The following CRISP1 variants were observed in gnomAD, a reference collection of about 807,000 sequenced individuals.
The protein encoded by CRISP1 is cysteine-rich secretory protein 1.
Under a neutral mutation model 33.1 loss-of-function variants are expected in CRISP1, and 44 were observed. The ratio of observed to expected loss-of-function variants is 1.33; its 90% confidence interval spans 1.05 to 1.71. The LOEUF is 1.71. CRISP1 is among the 40% of genes most tolerant of loss of function. The probability of loss-of-function intolerance (pLI) is 0.00; values close to 1 mark genes in which losing one functional copy is unlikely to be tolerated. For synonymous variants in CRISP1, 103 were observed against 98.7 expected (o/e 1.04, Z -0.26); for missense variants, 390 against 301.2 (o/e 1.29, Z -2.18).
intron 1 of CRISP1, among the ~76,000 whole-genome samples, chr6:49,874,805 C>G (rs1419710764): frequency 6.6e-6 from 1 of 151,990 alleles, no homozygotes; most frequent in Non-Finnish European, 1.5e-5. Context: ...AGACAAAAAT[C>G]ACATGACTAT....
At chr6:49,874,037 C>T (rs1771980782) in intron 1 of CRISP1, among the ~76,000 whole-genome samples, 1 of 152,004 alleles carries the variant, frequency 6.6e-6, no homozygotes, top group African/African-American at 2.4e-5. Context: ...GATATATGCT[C>T]TCCCAGTATT....
intron 3 of CRISP1, among the ~76,000 whole-genome samples, chr6:49,850,504 T>A (rs1360109485): frequency 1.3e-5 from 2 of 152,126 alleles, no homozygotes; most frequent in South Asian, 2.1e-4. Context: ...CTTTTTTTTT[T>A]AAAGAAAATC....
chr6:49,838,446 T>G lies in CRISP1; in HGVS notation c.613A>C (p.Lys205Gln). Residue 205 changes from lysine to glutamine, a missense_variant, in exon 7 of 8, where the codon AAA becomes CAA. Physicochemically the swap from Lys to Gln is moderately conservative, Grantham distance 53. Transcript: ENST00000335847. Reference sequence around the variant, plus strand: ...ATGCAAACAAACTTACTGCAAAGTTTGTCTTCACAGTTACTTGGGCAGGCT... The same window carrying G: ...ATGCAAACAAACTTACTGCAAAGTTGGTCTTCACAGTTACTTGGGCAGGCT... ...CEACPSNCEDKLCTNPCIYYD... is the reference protein window; with the variant it reads ...CEACPSNCEDQLCTNPCIYYD... 1 of 1,611,504 alleles carries G rather than the reference T, an allele frequency of 6.2e-7. No individual in the cohort carries two copies. The highest frequency in any genetic ancestry group is 8.5e-7 in the Non-Finnish European group (1 of 1,178,546).
chr6:49,868,953 T>A (rs1051326537), upstream of CRISP1, among the ~76,000 whole-genome samples: 1 of 152,196 alleles, frequency 6.6e-6, no homozygotes, highest in African/African-American at 2.4e-5. Context: ...CCTTTGAAAT[T>A]TCCCCCCTCT....
At chr6:49,846,829 A>G (rs1471760728) in intron 4 of CRISP1, among the ~76,000 whole-genome samples, 161 bp from the exon 5 acceptor site, 4 of 152,172 alleles carry the variant, frequency 2.6e-5, no homozygotes, top group Non-Finnish European at 4.4e-5. Flanking sequence ...AATCTTTCTC[A>G]TTGATGAATG....
At chr6:49,853,788 TG>T (rs1453245173) in intron 2 of CRISP1, among the ~76,000 whole-genome samples, 1 of 152,206 alleles carries the variant, frequency 6.6e-6, no homozygotes, top group Non-Finnish European at 1.5e-5. Context: ...ATCTTTTGTC[TG>T]CACACCATCA....
intron 5 of CRISP1, among the ~76,000 whole-genome samples, chr6:49,845,505 T>G (rs1033681474): frequency 1.3e-5 from 2 of 152,182 alleles, no homozygotes; most frequent in African/African-American, 4.8e-5. Context: ...AAATTGCAAA[T>G]TTTGTAAATT....
chr6:49,857,264 T>C (rs1771521127), intron 2 of CRISP1, 71 bp downstream of exon 2: 13 of 1,464,748 alleles, frequency 8.9e-6, no homozygotes, highest in Non-Finnish European at 1.2e-5. Context: ...TCTAACATGG[T>C]GAATTGTATT....
At chr6:49,875,448 G>T (rs943218666) in intron 1 of CRISP1, among the ~76,000 whole-genome samples, 1 of 151,892 alleles carries the variant, frequency 6.6e-6, no homozygotes, top group Non-Finnish European at 1.5e-5. Flanking sequence ...AGGAAGAATC[G>T]ATATTGTGAA....
chr6:49,848,139 C>A lies in CRISP1; in HGVS notation c.286+70G>T, dbSNP rs969642503. 4.7e-5 allele frequency: 41 copies of A among 869,454 alleles called. No homozygotes were observed. In the African/African-American group the frequency reaches 6.1e-4, roughly 13 times the overall value. The allele number at this position is 869,454 out of a possible 1,614,324, so 53.9% of individuals were successfully genotyped here. ...GACTTAATTTACTTTCATCAGGGTA[C>A]ATAACAATCCCTGTTTTACTATTTT... On this transcript the variant is annotated intron_variant, in intron 4 of 7. Coordinates refer to ENST00000335847, the MANE Select transcript of CRISP1 (RefSeq NM_001131.3).
intron 1 of CRISP1, among the ~76,000 whole-genome samples, chr6:49,865,691 G>C (rs1185414601): frequency 1.3e-5 from 2 of 152,136 alleles, no homozygotes; most frequent in Admixed American, 6.6e-5. Flanking sequence ...AAACTGGAAA[G>C]GGAGTGAGGG....
chr6:49,835,343 A>G lies in CRISP1; in HGVS notation c.723T>C (p.Thr241=). 1 of 1,613,886 alleles carries G rather than the reference A, an allele frequency of 6.2e-7. No homozygotes were observed. ...ATTTTATCTCAGTGTCACACAGACA[A>G]GTGGCTTTACAGAATAGGATAGTTG... ...HSTTILFCKA[T]CLCDTEIK is the part of the protein sequence containing the mutation. The change falls in exon 8 of 8, where the codon ACT becomes ACC. Residue 241 remains threonine, a synonymous_variant. Coordinates refer to ENST00000335847, the MANE Select transcript of CRISP1 (RefSeq NM_001131.3).
chr6:49,857,430 T>C (rs539092809), intron 1 of CRISP1, 28 bp from the exon 2 acceptor site: 1 of 1,586,272 alleles, frequency 6.3e-7, no homozygotes, highest in African/African-American at 1.3e-5. Flanking sequence ...CAATTTTAGA[T>C]TATTCTCAAT....
Position 49,840,907 on chromosome 6 carries a change from T to TAGTATG in CRISP1, c.523_524insCATACT (p.His174_Tyr175insSerTyr). The TAGTATG allele has an allele frequency of 1.2e-6, 2 of 1,612,702 alleles. No individual in the cohort carries two copies. The highest frequency in any genetic ancestry group is 2.2e-5 in the South Asian group (2 of 91,042). On this transcript the variant is annotated inframe_insertion, in exon 6 of 8. Transcript: ENST00000335847. Reference sequence around the variant, plus strand: ...AACTAATAATACATACTCATGACAATAGTGACAAACGTAGAGATATCGAGG... The same window carrying TAGTATG: ...AACTAATAATACATACTCATGACAATAGTATGAGTGACAAACGTAGAGATATCGAGG...
At chr6:49,841,997 C>G (rs1771006205) in intron 5 of CRISP1, among the ~76,000 whole-genome samples, 1 of 152,172 alleles carries the variant, frequency 6.6e-6, no homozygotes, top group Non-Finnish European at 1.5e-5. Context: ...GTAGCTTTCT[C>G]ACAGTCCTAG....
At chr6:49,856,721 T>A (rs1405784603) in intron 2 of CRISP1, among the ~76,000 whole-genome samples, 1 of 152,160 alleles carries the variant, frequency 6.6e-6, no homozygotes, top group Non-Finnish European at 1.5e-5. Flanking sequence ...TATATATTAT[T>A]TTCTTTATAT....
chr6:49,835,268 A>T lies in CRISP1; in HGVS notation c.*48T>A. On this transcript the variant is annotated 3_prime_UTR_variant, in exon 8 of 8. Transcript: ENST00000335847. ...AGCAAAAGACATGAATCCAACAGACATCTCCTCCTCATCGTCACAGCATAG... is the reference window on the plus strand; with the variant it reads ...AGCAAAAGACATGAATCCAACAGACTTCTCCTCCTCATCGTCACAGCATAG... 6.3e-7 allele frequency: 1 copy of T among 1,592,016 alleles called. No individual in the cohort carries two copies. The highest frequency in any genetic ancestry group is 8.6e-7 in the Non-Finnish European group (1 of 1,167,592).
In CRISP1 at chr6:49,848,204, C is replaced by A. The variant is rs1771245169; in HGVS notation, c.286+5G>T. 6.5e-7 allele frequency: 1 copy of A among 1,537,058 alleles called. No homozygotes were observed. Among genetic ancestry groups the A allele is most frequent in the East Asian group, 2.3e-5 (1 of 43,676 alleles). Reference sequence around the variant, plus strand: ...CAAAGGCGGGTCATATAGATACACACTTACTTGGAAGTCTCCTCTCAAGGG... The same window carrying A: ...CAAAGGCGGGTCATATAGATACACAATTACTTGGAAGTCTCCTCTCAAGGG... On this transcript the variant is annotated splice_donor_5th_base_variant and intron_variant, in intron 4 of 7. Coordinates refer to ENST00000335847, the MANE Select transcript of CRISP1 (RefSeq NM_001131.3).
At chr6:49,852,571 GTC>G (rs1323076893) in intron 2 of CRISP1, among the ~76,000 whole-genome samples, 4 of 152,156 alleles carry the variant, frequency 2.6e-5, no homozygotes. Flanking sequence ...AGAGGTGTGT[GTC>G]TGGGGTAACC....
Sources: allele counts gnomAD v4.1 joint callset (sites outside exome capture counted in the v4.1 genomes callset), GRCh38; gene constraint gnomAD v4.1.1; transcripts MANE v1.5; gene names NCBI Gene and HGNC (gene_info 2026-07-23, HGNC 2026-07-21).